DNER: variants seen among roughly 807,000 people sequenced by gnomAD.
The protein encoded by DNER is delta and Notch-like epidermal growth factor-related receptor.
In DNER, 33 loss-of-function variants were observed where a neutral mutation model predicts 78.2. That is an observed-to-expected ratio of 0.42 (90% CI 0.32 to 0.56). DNER has a LOEUF of 0.56. Ranked by LOEUF, DNER falls within the 20% of genes least tolerant of loss-of-function variation. The pLI is 0.11. For synonymous variants in DNER, 417 were observed against 384.8 expected, an observed-to-expected ratio of 1.08 and a Z score of -0.98; for missense variants, 918 against 975.3, an observed-to-expected ratio of 0.94 and a Z score of 0.78.
intron 1 of DNER, among the ~76,000 whole-genome samples, chr2:229,672,049 T>C (rs1162972811): frequency 6.6e-6 from 1 of 152,226 alleles, no homozygotes. Context: ...GGTCTTTCTG[T>C]TATTTTGCTG....
chr2:229,510,251 A>G (rs1695837978), intron 6 of DNER, among the ~76,000 whole-genome samples: 1 of 152,364 alleles, frequency 6.6e-6, no homozygotes, highest in Non-Finnish European at 1.5e-5. Context: ...ATCGTTGTTC[A>G]AAGAGCAATG....
intron 6 of DNER, among the ~76,000 whole-genome samples, chr2:229,500,036 C>T (rs983440808): frequency 2.0e-5 from 3 of 151,648 alleles, no homozygotes; most frequent in African/African-American, 4.8e-5. Context: ...CAGGTTCAAG[C>T]GATTCTCCTG....
chr2:229,511,529 A>G (rs142799863), intron 6 of DNER, among the ~76,000 whole-genome samples: 48 of 152,336 alleles, frequency 3.2e-4, no homozygotes, highest in African/African-American at 1.1e-3. Flanking sequence ...ACCCAAGAAC[A>G]CACCACACTA....
intron 4 of DNER, among the ~76,000 whole-genome samples, chr2:229,551,022 T>C (rs1018259954): frequency 2.6e-5 from 4 of 152,212 alleles, no homozygotes; most frequent in African/African-American, 9.6e-5. Flanking sequence ...AAAGCCTGTT[T>C]TCACAGGTTT....
chr2:229,628,937 C>T (rs555759857), intron 1 of DNER, among the ~76,000 whole-genome samples: 38 of 152,308 alleles, frequency 2.5e-4, no homozygotes, highest in African/African-American at 8.4e-4. Flanking sequence ...TCACCCTAAT[C>T]TTAACATGTG....
chr2:229,447,769 T>G (rs1422177382), intron 7 of DNER, among the ~76,000 whole-genome samples: 1 of 152,158 alleles, frequency 6.6e-6, no homozygotes, highest in African/African-American at 2.4e-5. Context: ...GGTATATGAC[T>G]GTTTAGGAGT....
At chr2:229,586,279 A>G (rs1455601732) in intron 3 of DNER, among the ~76,000 whole-genome samples, 1 of 152,032 alleles carries the variant, frequency 6.6e-6, no homozygotes, top group Admixed American at 6.5e-5. Context: ...GAGTACACTG[A>G]GTTCTCTTTC....
chr2:229,468,346 G>A (rs1424659392), intron 7 of DNER, among the ~76,000 whole-genome samples: 1 of 152,132 alleles, frequency 6.6e-6, no homozygotes, highest in Non-Finnish European at 1.5e-5. Context: ...GCAGCCTCTG[G>A]CTCCAAGAGT....
chr2:229,531,805 G>A (rs762586808), intron 5 of DNER, among the ~76,000 whole-genome samples: 5 of 152,150 alleles, frequency 3.3e-5, no homozygotes, highest in Non-Finnish European at 7.3e-5. Flanking sequence ...TCCATACAAT[G>A]GAACATTACT....
intron 1 of DNER, among the ~76,000 whole-genome samples, chr2:229,697,066 T>C (rs564280881): frequency 2.0e-5 from 3 of 152,208 alleles, no homozygotes; most frequent in Non-Finnish European, 4.4e-5. Context: ...GCAGCACTAT[T>C]CACAATAGCT....
chr2:229,502,889 T>C (rs1574872966), intron 6 of DNER, among the ~76,000 whole-genome samples: 1 of 152,188 alleles, frequency 6.6e-6, no homozygotes, highest in African/African-American at 2.4e-5. Context: ...TAAAGGGGTG[T>C]CCCCCTTAGA....
At chr2:229,661,391 G>A (rs12464256) in intron 1 of DNER, among the ~76,000 whole-genome samples, 1 of 151,832 alleles carries the variant, frequency 6.6e-6, no homozygotes, top group Non-Finnish European at 1.5e-5. Context: ...TGGAACACCA[G>A]ACCAATTGGA....
At chr2:229,532,039 T>C (rs73105609) in intron 5 of DNER, among the ~76,000 whole-genome samples, 5,738 of 152,132 alleles carry the variant, frequency 0.038, 132 homozygotes, top group Middle Eastern at 0.071. Flanking sequence ...ATATGAGGCT[T>C]TATTTTGGGG....
chr2:229,546,960 G>T lies in DNER; in HGVS notation c.980C>A (p.Thr327Lys). 1 of 1,614,096 alleles carries T rather than the reference G, an allele frequency of 6.2e-7. No homozygotes were observed. Among genetic ancestry groups the T allele is most frequent in the Non-Finnish European group, 8.5e-7 (1 of 1,180,004 alleles). ...GCATCCCCTTACCTCTGACGGCTTC[G>T]TGGTGCATTTTCCTTTTCCTGAACA... ...LECSGKGKCT[T>K]KPSEATFSCT... The change falls in exon 5 of 13, where the codon ACG (threonine) becomes AAG (lysine). Residue 327 changes from threonine to lysine, a missense_variant. Coordinates refer to ENST00000341772, the MANE Select transcript of DNER (RefSeq NM_139072.4).
intron 1 of DNER, among the ~76,000 whole-genome samples, chr2:229,653,281 G>A (rs1698852152): frequency 6.6e-6 from 1 of 152,212 alleles, no homozygotes; most frequent in African/African-American, 2.4e-5. Context: ...GAGATGGAGA[G>A]TCGAGGCTGA....
chr2:229,595,604 C>A (rs1309867610), intron 1 of DNER, among the ~76,000 whole-genome samples: 3 of 152,120 alleles, frequency 2.0e-5, no homozygotes, highest in Non-Finnish European at 4.4e-5. Context: ...GTTTTACAGG[C>A]CCTCTGTCTG....
At position 229,654,826 on chromosome 2, in the gene DNER, C is replaced by G. The variant is rs75051605; in HGVS notation, c.276+59322G>C. On this transcript the variant is annotated intron_variant, in intron 1 of 12. Transcript: ENST00000341772. ...TCAGCCCATACACTTTTATTGAGCA[C>G]ATTAATGATATGCTCATTAATGAGC... Among the ~76,000 whole-genome samples the G allele has an allele frequency of 5.0e-3, 766 of 152,260 alleles. 8 individuals are homozygous for G. Among genetic ancestry groups the G allele is most frequent in the African/African-American group, 0.017 (723 of 41,526 alleles).
intron 5 of DNER, among the ~76,000 whole-genome samples, chr2:229,521,707 A>G (rs922566458): frequency 2.6e-4 from 40 of 152,244 alleles, no homozygotes; most frequent in African/African-American, 9.2e-4. Flanking sequence ...TTAAGAGACT[A>G]CCTGAGAATT....
At position 229,591,499 on chromosome 2, in the gene DNER, A is replaced by C. The variant is rs1300121458; in HGVS notation, c.585+81T>G. 2.1e-6 allele frequency: 3 copies of C among 1,456,442 alleles called. No homozygotes were observed. The African/African-American group carries it at 4.3e-5, about 21-fold the overall frequency. 90.2% of individuals were successfully genotyped at this position (1,456,442 alleles called of 1,614,324 possible). On this transcript the variant is annotated intron_variant, in intron 2 of 12. Coordinates refer to ENST00000341772, the MANE Select transcript of DNER (RefSeq NM_139072.4). The surrounding 1 kb of genome is among the most constrained non-coding windows in gnomAD (Gnocchi z 4.6). ...TTAACTTAAAATGCTTTCATTTTTAATTGCTGATACTAGAACCGCTGGAGT... is the reference window on the plus strand; with the variant it reads ...TTAACTTAAAATGCTTTCATTTTTACTTGCTGATACTAGAACCGCTGGAGT...
Sources: allele counts gnomAD v4.1 joint callset (sites outside exome capture counted in the v4.1 genomes callset), GRCh38; gene constraint gnomAD v4.1.1; non-coding constraint Gnocchi (gnomAD v3.1); transcripts MANE v1.5; gene names NCBI Gene and HGNC (gene_info 2026-07-23, HGNC 2026-07-21).